PACRG: variants seen among roughly 807,000 people sequenced by gnomAD.
The protein encoded by PACRG is parkin coregulated.
PACRG carries 29 observed loss-of-function variants against 29.7 expected under a neutral mutation model. That is an observed-to-expected ratio of 0.98 (90% CI 0.73 to 1.33). PACRG has a LOEUF of 1.33. PACRG is among the 40% of genes most tolerant of loss of function. The pLI, the probability that PACRG is intolerant of heterozygous loss-of-function variation, is 0.00. For missense variants in PACRG, 279 were observed against 316.2 expected (o/e 0.88, Z 0.89); for synonymous variants, 116 against 118.7 (o/e 0.98, Z 0.15).
At position 162,838,295 on chromosome 6, in the gene PACRG, G is replaced by T. The variant is rs576129640; in HGVS notation, c.291+24014G>T. Among the ~76,000 whole-genome samples the T allele has an allele frequency of 1.4e-4, 21 of 152,186 alleles. 1 individual carries two copies. In the South Asian group the frequency reaches 1.9e-3, roughly 14 times the overall value. On this transcript the variant is annotated intron_variant, in intron 2 of 4. Coordinates refer to ENST00000366888, the MANE Select transcript of PACRG (RefSeq NM_001080379.2). ...GCCTCTGCTCCAGGCAGTCACTCAGGGACCTAAGTTACTTTGATTCTTTTC... is the reference window on the plus strand; with the variant it reads ...GCCTCTGCTCCAGGCAGTCACTCAGTGACCTAAGTTACTTTGATTCTTTTC...
intron 4 of PACRG, among the ~76,000 whole-genome samples, chr6:163,193,507 CAGAAATA>C (rs1221508040): frequency 2.6e-5 from 4 of 152,084 alleles, no homozygotes; most frequent in African/African-American, 9.7e-5. Flanking sequence ...GCTGCCCGGC[CAGAAATA>C]CCGAGACTGA....
At chr6:163,243,638 A>G (rs1215394180) in intron 4 of PACRG, among the ~76,000 whole-genome samples, 1 of 151,946 alleles carries the variant, frequency 6.6e-6, no homozygotes, top group African/African-American at 2.4e-5. Flanking sequence ...CACCTAACCC[A>G]CCCCAGTGGT....
intron 4 of PACRG, among the ~76,000 whole-genome samples, chr6:163,163,254 T>G (rs1192852401): frequency 6.6e-6 from 1 of 152,090 alleles, no homozygotes; most frequent in East Asian, 1.9e-4. Flanking sequence ...CATGGTTTTT[T>G]TTGTTGTTTT....
At chr6:163,179,458 G>C (rs1021384010) in intron 4 of PACRG, 1 of 287,934 alleles carries the variant, frequency 3.5e-6, no homozygotes, top group African/African-American at 2.2e-5. Flanking sequence ...CCAACACTTT[G>C]GGAGGCTGAT....
At chr6:163,101,693 C>G (rs1180651685) in intron 4 of PACRG, among the ~76,000 whole-genome samples, 1 of 151,964 alleles carries the variant, frequency 6.6e-6, no homozygotes, top group Middle Eastern at 3.2e-3. Flanking sequence ...AAAAAACAAC[C>G]CACACATTCA....
At position 162,924,601 on chromosome 6, in the gene PACRG, G is replaced by A. The variant is rs569490038; in HGVS notation, c.291+110320G>A. Among the ~76,000 whole-genome samples, 96 of 152,170 alleles carry A rather than the reference G, an allele frequency of 6.3e-4. 1 individual carries two copies. The South Asian group carries it at 0.019, about 31-fold the overall frequency. On this transcript the variant is annotated intron_variant, in intron 2 of 4. Coordinates refer to ENST00000366888, the MANE Select transcript of PACRG (RefSeq NM_001080379.2). ...TTGAGAGTTTTTATTGTGAAGAGAT[G>A]TAGAATTTTATTAAATGCTTTTTTT...
At chr6:162,771,863 T>G (rs1783247710) in intron 1 of PACRG, among the ~76,000 whole-genome samples, 1 of 152,142 alleles carries the variant, frequency 6.6e-6, no homozygotes, top group Non-Finnish European at 1.5e-5. Context: ...TTCTCTCGGA[T>G]GGAGGTAAGT....
intron 2 of PACRG, among the ~76,000 whole-genome samples, chr6:162,881,182 A>T (rs1261618057): frequency 2.0e-5 from 3 of 152,290 alleles, no homozygotes; most frequent in Admixed American, 2.0e-4. Flanking sequence ...AAGTGTTTAT[A>T]AACTTTAAAC....
At position 162,814,233 on chromosome 6, in the gene PACRG, C is replaced by A. The variant is rs766468985; in HGVS notation, c.243C>A (p.Phe81Leu). The A allele has an allele frequency of 2.2e-5, 35 of 1,613,930 alleles. No homozygotes were observed. The highest frequency in any genetic ancestry group is 3.0e-5 in the Non-Finnish European group (35 of 1,179,920). ...GAAAATTCTATGAGCGAGGTGACTTCCCAATTGCCCTTGAGCATGATTCGA... is the reference window on the plus strand; with the variant it reads ...GAAAATTCTATGAGCGAGGTGACTTACCAATTGCCCTTGAGCATGATTCGA... ...AFRKFYERGD[F>L]PIALEHDSKG... Residue 81 changes from phenylalanine to leucine, a missense_variant, in exon 2 of 5, where the codon TTC becomes TTA. By Grantham distance (22) the Phe-to-Leu change is conservative (BLOSUM62 0). Coordinates refer to ENST00000366888, the MANE Select transcript of PACRG (RefSeq NM_001080379.2).
chr6:163,143,728 C>T (rs1777652056), intron 4 of PACRG, among the ~76,000 whole-genome samples: 1 of 152,028 alleles, frequency 6.6e-6, no homozygotes, highest in Non-Finnish European at 1.5e-5. Flanking sequence ...AATCAACAGG[C>T]CTGGGCGACG....
chr6:163,294,746 G>A (rs1267470894), intron 4 of PACRG, among the ~76,000 whole-genome samples: 1 of 152,174 alleles, frequency 6.6e-6, no homozygotes, highest in African/African-American at 2.4e-5. Context: ...AGATTAGCTA[G>A]ATAATAATAG....
At chr6:163,304,015 CAAA>C (rs59861286) in intron 4 of PACRG, among the ~76,000 whole-genome samples, 899 of 76,274 alleles carry the variant, frequency 0.012, 9 homozygotes, top group African/African-American at 0.044. Flanking sequence ...GACTCCATTT[CAAA>C]AAAAAAAAAA....
intron 2 of PACRG, among the ~76,000 whole-genome samples, chr6:162,960,734 TTAAAA>T (rs752288718): frequency 1.3e-5 from 2 of 152,108 alleles, no homozygotes; most frequent in East Asian, 1.9e-4. Context: ...AAAAGTAGAA[TTAAAA>T]TAAAAGAGAG....
At position 163,284,252 on chromosome 6, in the gene PACRG, C is replaced by G. The variant is rs181774961; in HGVS notation, c.614-30575C>G. ...TCCCTCTTGCCATCCTGCATAAAAA[C>G]AAGCCAAGGTTCAGAGAGTTTGCTG... On this transcript the variant is annotated intron_variant, in intron 4 of 4. Transcript: ENST00000366888. Among the ~76,000 whole-genome samples the G allele has an allele frequency of 2.8e-3, 419 of 152,318 alleles. 1 individual carries two copies. Among genetic ancestry groups the G allele is most frequent in the Middle Eastern group, 6.8e-3 (2 of 294 alleles).
chr6:163,301,619 G>A (rs929539682), intron 4 of PACRG, among the ~76,000 whole-genome samples: 1 of 152,146 alleles, frequency 6.6e-6, no homozygotes, highest in Non-Finnish European at 1.5e-5. Flanking sequence ...TGAGGTTGTA[G>A]AGTAAACTCA....
At chr6:163,235,444 T>C (rs185507879) in intron 4 of PACRG, among the ~76,000 whole-genome samples, 1 of 152,310 alleles carries the variant, frequency 6.6e-6, no homozygotes, top group African/African-American at 2.4e-5. Context: ...GTGGTGTTGG[T>C]GACTAGAAAA....
chr6:162,870,616 A>G (rs950907093), intron 2 of PACRG, among the ~76,000 whole-genome samples: 2 of 152,118 alleles, frequency 1.3e-5, no homozygotes, highest in Non-Finnish European at 2.9e-5. Flanking sequence ...CCACTGTGGC[A>G]TTCTTATGCC....
At chr6:162,959,089 T>C (rs533266297) in intron 2 of PACRG, among the ~76,000 whole-genome samples, 1 of 150,906 alleles carries the variant, frequency 6.6e-6, no homozygotes, top group South Asian at 2.1e-4. Context: ...AACTTTTTTT[T>C]TTTTTTGTAG....
intron 1 of PACRG, among the ~76,000 whole-genome samples, chr6:162,759,692 G>A (rs924634973): frequency 6.6e-6 from 1 of 152,136 alleles, no homozygotes; most frequent in Non-Finnish European, 1.5e-5. Flanking sequence ...TGGTCGATCT[G>A]CTAAGGAATC....
Sources: gnomAD v4.1 joint callset for allele counts (sites outside exome capture counted in the v4.1 genomes callset) on GRCh38, gnomAD v4.1.1 for gene constraint, MANE v1.5 for transcripts, NCBI Gene and HGNC (gene_info 2026-07-23, HGNC 2026-07-21) for gene names.